The following ZNF730 variants were observed in gnomAD, a reference collection of about 807,000 sequenced individuals.
ZNF730 encodes putative zinc finger protein 730.
In ZNF730, 12 loss-of-function variants were observed where a neutral mutation model predicts 12.6. That is an observed-to-expected ratio of 0.95 (90% CI 0.61 to 1.54). ZNF730 has a LOEUF of 1.54. Among genes scored for constraint, ZNF730 ranks in the 40% most tolerant of loss-of-function variants. The probability of loss-of-function intolerance (pLI) is 0.00; values close to 1 mark genes in which losing one functional copy is unlikely to be tolerated. For synonymous variants in ZNF730, 194 were observed against 195.8 expected, an observed-to-expected ratio of 0.99 and a Z score of 0.08; for missense variants, 643 against 583.5, an observed-to-expected ratio of 1.10 and a Z score of -1.05.
chr19:23,146,148 C>A lies in ZNF730; in HGVS notation c.1104C>A (p.Tyr368Ter). 1.2e-6 allele frequency: 2 copies of A among 1,607,744 alleles called. No individual in the cohort carries two copies. The highest frequency in any genetic ancestry group is 1.7e-6 in the Non-Finnish European group (2 of 1,176,696). The change falls in exon 4 of 4, where the codon TAC becomes TAA. Residue 368 changes from tyrosine to a stop codon, truncating the protein, a stop_gained. Transcript: ENST00000597761. LOFTEE classifies it low-confidence loss of function (END_TRUNC). Reference sequence around the variant, plus strand: ...TAACTCATACTGGAGGGAAACCCTACAAATATAAAGAATGTGGTAAAGCTT... The same window carrying A: ...TAACTCATACTGGAGGGAAACCCTAAAAATATAAAGAATGTGGTAAAGCTT... ...HKITHTGGKPYKYKECGKAFN... is the reference protein window; with the variant it reads ...HKITHTGGKP
At chr19:23,076,308 G>A (rs1969859719) in intron 1 of ZNF730, among the ~76,000 whole-genome samples, 1 of 152,068 alleles carries the variant, frequency 6.6e-6, no homozygotes, top group South Asian at 2.1e-4. Context: ...TTTCACATGA[G>A]AAAAATGTAG....
intron 1 of ZNF730, among the ~76,000 whole-genome samples, chr19:23,079,968 C>G (rs1247250742): frequency 6.6e-6 from 1 of 152,002 alleles, no homozygotes; most frequent in South Asian, 2.1e-4. Context: ...TATTTGGAGT[C>G]GAACTCTTGC....
intron 1 of ZNF730, among the ~76,000 whole-genome samples, chr19:23,076,721 A>G (rs1883024095): frequency 6.6e-6 from 1 of 152,184 alleles, no homozygotes; most frequent in African/African-American, 2.4e-5. Context: ...GGTCAAAGGA[A>G]TGCTTAGGCA....
intron 1 of ZNF730, among the ~76,000 whole-genome samples, chr19:23,107,073 G>GTTT (rs71163445): frequency 4.2e-5 from 6 of 142,922 alleles, no homozygotes; most frequent in South Asian, 2.2e-4. Flanking sequence ...GCATGTTTTT[G>GTTT]TTTTTTTTTT....
chr19:23,116,938 C>A (rs527612278), upstream of ZNF730: 149 of 102,962 alleles, frequency 1.4e-3, no homozygotes, highest in South Asian at 0.032. Flanking sequence ...GGGCCTTAAA[C>A]GTTATCCAAT....
At chr19:23,138,575 T>A (rs1349103903) in intron 3 of ZNF730, among the ~76,000 whole-genome samples, 1 of 152,184 alleles carries the variant, frequency 6.6e-6, no homozygotes, top group Non-Finnish European at 1.5e-5. Context: ...AAATTCTCAG[T>A]GGGACCAAGT....
intron 1 of ZNF730, among the ~76,000 whole-genome samples, chr19:23,094,356 C>CTCTA (rs78556330): frequency 0.16 from 23,563 of 148,612 alleles, 1,974 homozygotes; most frequent in Middle Eastern, 0.21. Flanking sequence ...CCATGCCTGG[C>CTCTA]TCTATCTATC....
intron 1 of ZNF730, among the ~76,000 whole-genome samples, chr19:23,086,217 C>T (rs998660297): frequency 2.6e-5 from 4 of 152,136 alleles, no homozygotes; most frequent in African/African-American, 7.2e-5. Flanking sequence ...AGACCTTTGA[C>T]GGATGCATAG....
chr19:23,087,203 T>G (rs924331276), intron 1 of ZNF730, among the ~76,000 whole-genome samples: 1 of 152,104 alleles, frequency 6.6e-6, no homozygotes, highest in Non-Finnish European at 1.5e-5. Context: ...AGATCAGGTG[T>G]TCGAGACCAG....
chr19:23,143,160 T>C (rs934385615), intron 3 of ZNF730, among the ~76,000 whole-genome samples: 3 of 151,852 alleles, frequency 2.0e-5, no homozygotes, highest in African/African-American at 7.3e-5. Context: ...AGGAGAATGG[T>C]GTGAACCCCG....
In ZNF730 at chr19:23,136,414, A is replaced by T. The variant is rs191060202; in HGVS notation, c.226+371A>T. On this transcript the variant is annotated intron_variant, in intron 3 of 3. Transcript: ENST00000597761. ...TGAACTATTTTTATTTTATTTATTT[A>T]TTTTTTTTGAGACGGAGTCTTGCAC... Among the ~76,000 whole-genome samples, 62 of 151,660 alleles carry T rather than the reference A, an allele frequency of 4.1e-4. No individual in the cohort carries two copies. In the Middle Eastern group the frequency reaches 0.01, roughly 25 times the overall value.
At chr19:23,107,283 A>C (rs1970403828) in intron 1 of ZNF730, among the ~76,000 whole-genome samples, 1 of 151,152 alleles carries the variant, frequency 6.6e-6, no homozygotes, top group Non-Finnish European at 1.5e-5. Context: ...GGCTGGTCTC[A>C]AACCCCCTTG....
At chr19:23,125,988 T>G (rs1466902648) in intron 1 of ZNF730, among the ~76,000 whole-genome samples, 1 of 152,198 alleles carries the variant, frequency 6.6e-6, no homozygotes, top group Non-Finnish European at 1.5e-5. Flanking sequence ...AACATACTAA[T>G]GCATTTGCTT....
At chr19:23,108,413 T>G (rs1355939497) in intron 1 of ZNF730, among the ~76,000 whole-genome samples, 1 of 152,002 alleles carries the variant, frequency 6.6e-6, no homozygotes, top group African/African-American at 2.4e-5. Context: ...ATGGATTCAC[T>G]GTGTGTGATT....
At chr19:23,126,494 G>A in intron 1 of ZNF730, 1 of 370,916 alleles carries the variant, frequency 2.7e-6, no homozygotes, top group South Asian at 2.5e-5. Flanking sequence ...GAGCATAAAT[G>A]CGTAACATCA....
intron 1 of ZNF730, chr19:23,127,996 T>C (rs1381830292): frequency 2.7e-6 from 2 of 744,088 alleles, no homozygotes; most frequent in East Asian, 4.9e-5. Flanking sequence ...TAGGTCAAGA[T>C]CTGTGACCTA....
intron 1 of ZNF730, chr19:23,127,222 A>G (rs898482136): frequency 1.8e-5 from 11 of 618,946 alleles, no homozygotes; most frequent in Non-Finnish European, 3.1e-5. Flanking sequence ...TGCTGATTTA[A>G]CCATGTTTTT....
chr19:23,116,325 T>TTTTC (rs755848287), upstream of ZNF730, among the ~76,000 whole-genome samples: 3 of 21,318 alleles, frequency 1.4e-4, no homozygotes, highest in African/African-American at 2.5e-4. Flanking sequence ...TTTTCTTTTC[T>TTTTC]TTCTTTCTTT....
rs1329515293 is a variant in ZNF730 at position 23,134,188 on chromosome 19, A to G, written c.112A>G (p.Arg38Gly). The change falls in exon 2 of 4, where the codon AGA becomes GGA. Residue 38 changes from arginine (R) to glycine (G), a missense_variant. Physicochemically the swap from Arg to Gly is moderately radical, Grantham distance 125. Transcript: ENST00000597761. Reference protein sequence around the residue: ...LYRNVMLDNYRNLVFLGIAVS... With the variant: ...LYRNVMLDNYGNLVFLGIAVS... Reference sequence around the variant, plus strand: ...TAGAAATGTAATGTTAGATAACTACAGAAACCTGGTCTTCCTGGGTGAGGA... The same window carrying G: ...TAGAAATGTAATGTTAGATAACTACGGAAACCTGGTCTTCCTGGGTGAGGA... 1 of 1,609,984 alleles carries G rather than the reference A, an allele frequency of 6.2e-7. No individual in the cohort carries two copies. Among genetic ancestry groups the G allele is most frequent in the Non-Finnish European group, 8.5e-7 (1 of 1,178,198 alleles).
Sources: allele counts gnomAD v4.1 joint callset (sites outside exome capture counted in the v4.1 genomes callset), GRCh38; gene constraint gnomAD v4.1.1; transcripts MANE v1.5; gene names NCBI Gene and HGNC (gene_info 2026-07-23, HGNC 2026-07-21).